The following FKTN variants were observed in gnomAD, a reference collection of about 807,000 sequenced individuals.
FKTN encodes fukutin.
A neutral mutation model predicts 58.6 loss-of-function variants in FKTN; 47 were observed. The observed-to-expected ratio is 0.80, with a 90% CI of 0.63 to 1.02. The LOEUF is 1.02. Among genes scored for constraint, FKTN ranks in the 50% least tolerant of loss-of-function variants. The pLI is 0.00. For synonymous variants in FKTN, 178 were observed against 191.9 expected (o/e 0.93, Z 0.60); for missense variants, 516 against 537.3 (o/e 0.96, Z 0.39).
intron 1 of FKTN, among the ~76,000 whole-genome samples, chr9:105,562,259 G>A (rs1838435535): frequency 6.6e-6 from 1 of 152,222 alleles, no homozygotes; most frequent in Non-Finnish European, 1.5e-5. Flanking sequence ...CAAAGACTTG[G>A]TGGTTAGTTT....
At chr9:105,591,748 A>C (rs563149224) in intron 3 of FKTN, among the ~76,000 whole-genome samples, 1 of 152,160 alleles carries the variant, frequency 6.6e-6, no homozygotes, top group African/African-American at 2.4e-5. Context: ...TGGGAGCTTC[A>C]ACCCTGCATT....
chr9:105,591,003 A>T (rs1844767743), intron 3 of FKTN, among the ~76,000 whole-genome samples: 1 of 152,090 alleles, frequency 6.6e-6, no homozygotes, highest in African/African-American at 2.4e-5. Flanking sequence ...ACCAGATCTT[A>T]GGGGAACTCA....
intron 1 of FKTN, among the ~76,000 whole-genome samples, chr9:105,561,392 T>C (rs1838278155): frequency 1.3e-5 from 2 of 152,170 alleles, no homozygotes; most frequent in East Asian, 1.9e-4. Context: ...ATTTTTAAAG[T>C]TTTAAAAAAA....
At chr9:105,596,960 C>G (rs1826920640) in intron 4 of FKTN, among the ~76,000 whole-genome samples, 1 of 152,166 alleles carries the variant, frequency 6.6e-6, no homozygotes, top group Non-Finnish European at 1.5e-5. Flanking sequence ...AACCCACATT[C>G]ACTGAGCTAT....
At position 105,640,021 on chromosome 9, in the gene FKTN, T is replaced by TGTATCA; in HGVS notation, c.*4758_*4763dup. 1 of 1,527,824 alleles carries TGTATCA rather than the reference T, an allele frequency of 6.5e-7. No homozygotes were observed. The highest frequency in any genetic ancestry group is 8.8e-7 in the Non-Finnish European group (1 of 1,140,376). 94.6% of individuals were successfully genotyped at this position (1,527,824 alleles called of 1,614,324 possible). A position where few individuals can be genotyped will look rare whatever the true frequency, so the allele number is the denominator to read the frequency against. On this transcript the variant is annotated 3_prime_UTR_variant, in exon 11 of 11. Transcript: ENST00000357998. ...TTAATTATCTATGCTGATGAATGCCTGTATCATTGTTAATAAAGGAGAATT... is the reference window on the plus strand; with the variant it reads ...TTAATTATCTATGCTGATGAATGCCTGTATCAGTATCATTGTTAATAAAGGAGAATT...
intron 3 of FKTN, among the ~76,000 whole-genome samples, chr9:105,585,226 A>G (rs1474606426): frequency 6.6e-6 from 1 of 152,096 alleles, no homozygotes; most frequent in Non-Finnish European, 1.5e-5. Flanking sequence ...GGAATTCAAG[A>G]CCAGCCTGGG....
chr9:105,585,239 A>G (rs1444476789), intron 3 of FKTN, among the ~76,000 whole-genome samples: 2 of 152,198 alleles, frequency 1.3e-5, no homozygotes, highest in African/African-American at 2.4e-5. Flanking sequence ...AGCCTGGGCA[A>G]CATAGTAAGA....
chr9:105,634,869 G>T (rs1833896188), intron 10 of FKTN, among the ~76,000 whole-genome samples, 182 bp from the exon 11 acceptor site: 1 of 152,138 alleles, frequency 6.6e-6, no homozygotes, highest in Admixed American at 6.5e-5. Context: ...CTTGGAACAG[G>T]AAAGGAAAAT....
intron 3 of FKTN, among the ~76,000 whole-genome samples, chr9:105,583,945 C>T (rs1166391276): frequency 6.6e-6 from 1 of 152,104 alleles, no homozygotes; most frequent in Non-Finnish European, 1.5e-5. Context: ...TTTAAAAATC[C>T]CATCTTAATT....
Position 105,638,893 on chromosome 9 carries a change from A to C in FKTN, c.*3629A>C. ...TACTTCAAATGGCACATAGATAGGC[A>C]GGATATTACATAGGTAAGCAGGAAT... On this transcript the variant is annotated 3_prime_UTR_variant, in exon 11 of 11. Transcript: ENST00000357998. The C allele has an allele frequency of 1.0e-6, 1 of 985,312 alleles. No homozygotes were observed. Among genetic ancestry groups the C allele is most frequent in the Non-Finnish European group, 1.2e-6 (1 of 829,822 alleles). 61.0% of individuals were successfully genotyped at this position (985,312 alleles called of 1,614,324 possible).
intron 1 of FKTN, among the ~76,000 whole-genome samples, chr9:105,570,022 T>A (rs1840461224): frequency 2.0e-5 from 3 of 152,116 alleles, no homozygotes; most frequent in Non-Finnish European, 4.4e-5. Context: ...GAAACAATAT[T>A]TTTGTTTTAG....
Position 105,638,137 on chromosome 9 carries a change from A to G in FKTN, c.*2873A>G. On this transcript the variant is annotated 3_prime_UTR_variant, in exon 11 of 11. Transcript: ENST00000357998. ...ATCACAGAAAAGAATGATCTGAACA[A>G]GAACAGCTGAGGCTAAAACCCAAGA... The G allele has an allele frequency of 4.1e-6, 4 of 983,992 alleles. No homozygotes were observed. The highest frequency in any genetic ancestry group is 4.8e-6 in the Non-Finnish European group (4 of 828,626). The allele number at this position is 983,992 out of a possible 1,614,324, so 61.0% of individuals were successfully genotyped here.
chr9:105,595,858 C>T (rs1826699428), intron 3 of FKTN, among the ~76,000 whole-genome samples: 1 of 152,166 alleles, frequency 6.6e-6, no homozygotes, highest in Non-Finnish European at 1.5e-5. Context: ...AACGTATGCA[C>T]TCAAGGCATA....
chr9:105,620,772 A>G (rs1412537016), intron 10 of FKTN, among the ~76,000 whole-genome samples: 1 of 108,436 alleles, frequency 9.2e-6, no homozygotes, highest in African/African-American at 3.6e-5. Context: ...TACTAATACT[A>G]CTATAGTAGT....
intron 8 of FKTN, among the ~76,000 whole-genome samples, chr9:105,615,702 A>G (rs962767176): frequency 2.0e-5 from 3 of 152,220 alleles, no homozygotes; most frequent in Non-Finnish European, 4.4e-5. Flanking sequence ...ATCCATGGAC[A>G]ATACATTCCA....
chr9:105,599,161 A>G (rs989038762), intron 4 of FKTN, among the ~76,000 whole-genome samples: 1 of 152,194 alleles, frequency 6.6e-6, no homozygotes, highest in Non-Finnish European at 1.5e-5. Flanking sequence ...GATGTATTTT[A>G]TTCCTGGTTT....
chr9:105,590,712 A>G (rs1015355626), intron 3 of FKTN, among the ~76,000 whole-genome samples: 2 of 152,090 alleles, frequency 1.3e-5, no homozygotes, highest in Admixed American at 1.3e-4. Flanking sequence ...GGTGAAAATC[A>G]GGAGTTTTTT....
At chr9:105,620,263 T>C (rs983631820) in intron 10 of FKTN, 4 of 489,306 alleles carry the variant, frequency 8.2e-6, no homozygotes, top group Non-Finnish European at 1.1e-5. Context: ...GGAGGAAGTG[T>C]CCCTGGGTTT....
intron 3 of FKTN, among the ~76,000 whole-genome samples, chr9:105,592,891 A>C (rs191813470): frequency 2.0e-4 from 30 of 152,324 alleles, no homozygotes; most frequent in Non-Finnish European, 3.5e-4. Context: ...AGGAAGTTTC[A>C]AATTTTCCCT....
Sources: gnomAD v4.1 joint callset for allele counts (sites outside exome capture counted in the v4.1 genomes callset) on GRCh38, gnomAD v4.1.1 for gene constraint, MANE v1.5 for transcripts, NCBI Gene and HGNC (gene_info 2026-07-23, HGNC 2026-07-21) for gene names.